The following ABCA10 variants were observed in gnomAD, a reference collection of about 807,000 sequenced individuals.
ABCA10 encodes the protein ATP binding cassette subfamily A member 10.
A neutral mutation model predicts 187.5 loss-of-function variants in ABCA10; 169 were observed. The observed-to-expected ratio is 0.90, with a 90% CI of 0.80 to 1.02. The LOEUF (loss-of-function observed/expected upper bound fraction) is 1.02. Among genes scored for constraint, ABCA10 ranks in the 50% least tolerant of loss-of-function variants. The pLI, the probability that ABCA10 is intolerant of heterozygous loss-of-function variation, is 0.00. For missense variants in ABCA10, 1,727 were observed against 1,812.4 expected (o/e 0.95, Z 0.86); for synonymous variants, 574 against 601.8 (o/e 0.95, Z 0.68).
At chr17:69,210,380 G>A (rs1348035790) in intron 9 of ABCA10, among the ~76,000 whole-genome samples, 2 of 150,000 alleles carry the variant, frequency 1.3e-5, no homozygotes, top group Non-Finnish European at 3.0e-5. Flanking sequence ...TAGTAGAGAC[G>A]GGGTTTCACC....
intron 8 of ABCA10, 105 bp from the exon 9 acceptor site, chr17:69,214,956 T>C (rs867522376): frequency 2.3e-5 from 18 of 774,908 alleles, no homozygotes; most frequent in Middle Eastern, 3.9e-4. Context: ...ATTAATATTT[T>C]AATACCTTTT....
intron 27 of ABCA10, among the ~76,000 whole-genome samples, chr17:69,159,302 T>C (rs1005396282): frequency 3.3e-5 from 5 of 151,980 alleles, no homozygotes; most frequent in Non-Finnish European, 5.9e-5. Flanking sequence ...AAACAGAGCC[T>C]CAAAGATTAT....
chr17:69,169,670 G>A (rs1418333738), intron 25 of ABCA10, among the ~76,000 whole-genome samples: 1 of 152,210 alleles, frequency 6.6e-6, no homozygotes, highest in East Asian at 1.9e-4. Context: ...GAAGAAATCA[G>A]AAAGGCCAGG....
chr17:69,236,913 G>A (rs991004339), intron 1 of ABCA10, among the ~76,000 whole-genome samples: 4 of 152,132 alleles, frequency 2.6e-5, no homozygotes, highest in Non-Finnish European at 4.4e-5. Context: ...ATAGTACCAA[G>A]GTTAAGATAC....
chr17:69,226,257 G>T (rs1209706284), intron 2 of ABCA10, among the ~76,000 whole-genome samples: 1 of 152,068 alleles, frequency 6.6e-6, no homozygotes, highest in Non-Finnish European at 1.5e-5. Flanking sequence ...GTCAAATCTG[G>T]ATGGTGGATG....
chr17:69,181,404 T>C (rs1438614212), intron 22 of ABCA10, among the ~76,000 whole-genome samples: 2 of 152,254 alleles, frequency 1.3e-5, no homozygotes, highest in Middle Eastern at 3.4e-3. Flanking sequence ...TTTTTCTCTT[T>C]TATTTTAAAT....
Position 69,201,593 on chromosome 17 carries a change from T to A in ABCA10, c.1082A>T (p.His361Leu), listed in dbSNP as rs752649574. ...SFWSKHQNTH[H>L]EIFENEINPE... The stretch of plus-strand genomic sequence containing the variant: ...ATTTATTTCATTCTCAAAGATTTCA[T>A]GATGAGTATTTTGATGTTTGGACCA... Residue 361 changes from histidine to leucine, a missense_variant, in exon 10 of 39, where the codon CAT (histidine) becomes CTT (leucine). Coordinates refer to ENST00000690296, the MANE Select transcript of ABCA10 (RefSeq NM_001377321.1). 3 of 1,613,042 alleles carry A rather than the reference T, an allele frequency of 1.9e-6. No individual in the cohort carries two copies. In the East Asian group the frequency reaches 6.7e-5, roughly 36 times the overall value.
intron 6 of ABCA10, among the ~76,000 whole-genome samples, chr17:69,217,976 T>C (rs1364537009): frequency 6.6e-6 from 1 of 152,188 alleles, no homozygotes; most frequent in East Asian, 1.9e-4. Flanking sequence ...AAATCTGCTA[T>C]CTTGTACCCT....
At chr17:69,158,954 T>C (rs953933062) in intron 27 of ABCA10, among the ~76,000 whole-genome samples, 9 of 152,012 alleles carry the variant, frequency 5.9e-5, no homozygotes, top group South Asian at 2.1e-4. Flanking sequence ...ATAAATGGCA[T>C]TGAGATAACT....
intron 22 of ABCA10, among the ~76,000 whole-genome samples, chr17:69,180,459 G>A (rs931108823): frequency 6.6e-6 from 1 of 152,026 alleles, no homozygotes; most frequent in Non-Finnish European, 1.5e-5. Flanking sequence ...AAGCATTAAA[G>A]CATCTGCTGA....
intron 9 of ABCA10, among the ~76,000 whole-genome samples, chr17:69,211,630 G>A (rs2074660892): frequency 6.6e-6 from 1 of 150,850 alleles, no homozygotes. Context: ...GGGGCGGGGG[G>A]GAATATTTTA....
intron 20 of ABCA10, 110 bp downstream of exon 20, chr17:69,185,367 G>A (rs2074413010): frequency 9.2e-7 from 1 of 1,089,620 alleles, no homozygotes; most frequent in East Asian, 2.7e-5. Context: ...ATTTGAAAAT[G>A]GAGCAAGCTG....
chr17:69,171,715 T>C (rs952349948), intron 25 of ABCA10, among the ~76,000 whole-genome samples: 7 of 152,268 alleles, frequency 4.6e-5, no homozygotes, highest in Admixed American at 3.9e-4. Flanking sequence ...CTGCAAAGGA[T>C]AGCAACTGAC....
intron 9 of ABCA10, among the ~76,000 whole-genome samples, chr17:69,214,218 A>T (rs1279675934): frequency 3.9e-5 from 6 of 152,268 alleles, no homozygotes; most frequent in East Asian, 1.9e-4. Flanking sequence ...AATGATTTTT[A>T]AAAATGATTC....
chr17:69,178,792 G>A lies in ABCA10; in HGVS notation c.2770-3279C>T, dbSNP rs559344534. The A allele has an allele frequency of 3.9e-5, 6 of 152,158 alleles. 1 individual carries two copies. The South Asian group carries it at 1.2e-3, about 32-fold the overall frequency. 9.4% of individuals were successfully genotyped at this position (152,158 alleles called of 1,614,324 possible). A position where few individuals can be genotyped will look rare whatever the true frequency, so the allele number is the denominator to read the frequency against. On this transcript the variant is annotated intron_variant, in intron 22 of 38. Coordinates refer to ENST00000690296, the MANE Select transcript of ABCA10 (RefSeq NM_001377321.1). ...GAATAATTATTGTTTTCTTTAAAAA[G>A]AAAATACCTGTTTCTGGTGAAAATG...
chr17:69,213,234 T>C (rs967720439), intron 9 of ABCA10, among the ~76,000 whole-genome samples: 2 of 152,202 alleles, frequency 1.3e-5, no homozygotes, highest in Non-Finnish European at 2.9e-5. Context: ...ATAAGTACTC[T>C]GGTTTCTCAG....
At chr17:69,195,232 C>T (rs183243474) in intron 11 of ABCA10, among the ~76,000 whole-genome samples, 28 of 152,190 alleles carry the variant, frequency 1.8e-4, no homozygotes, top group Middle Eastern at 3.4e-3. Context: ...ATCAGGCAAA[C>T]CACAGGCCAA....
intron 1 of ABCA10, 141 bp from the exon 2 acceptor site, chr17:69,227,426 A>G (rs2074803266): frequency 6.6e-6 from 1 of 152,066 alleles, no homozygotes; most frequent in South Asian, 2.1e-4. Context: ...AAAAGAATAT[A>G]AAGTATTAGT....
chr17:69,215,779 T>C (rs2074698883), intron 8 of ABCA10, 36 bp downstream of exon 8: 1 of 1,416,542 alleles, frequency 7.1e-7, no homozygotes, highest in Admixed American at 2.8e-5. Flanking sequence ...ATTTTGAAAA[T>C]CTAATAATAA....
Sources: allele counts gnomAD v4.1 joint callset (sites outside exome capture counted in the v4.1 genomes callset), GRCh38; gene constraint gnomAD v4.1.1; transcripts MANE v1.5; gene names NCBI Gene and HGNC (gene_info 2026-07-23, HGNC 2026-07-21).